PTPRN2: variants seen among roughly 807,000 people sequenced by gnomAD.
PTPRN2 encodes the protein receptor-type tyrosine-protein phosphatase N2.
A neutral mutation model predicts 118.8 loss-of-function variants in PTPRN2; 74 were observed. The observed-to-expected ratio is 0.62, with a 90% CI of 0.52 to 0.76. The LOEUF (loss-of-function observed/expected upper bound fraction) is 0.76, where lower values mean the gene tolerates loss of function less well. PTPRN2 is among the 30% of genes least tolerant of loss of function. PTPRN2 has a pLI of 0.00. For synonymous variants in PTPRN2, 641 were observed against 608.0 expected, an observed-to-expected ratio of 1.05 and a Z score of -0.80; for missense variants, 1,481 against 1,394.4, an observed-to-expected ratio of 1.06 and a Z score of -0.99.
chr7:158,408,948 A>G (rs1308401047), intron 2 of PTPRN2, among the ~76,000 whole-genome samples: 2 of 152,076 alleles, frequency 1.3e-5, no homozygotes, highest in Non-Finnish European at 2.9e-5. Context: ...ATACAAAGTT[A>G]ACCTCCATAT....
chr7:157,989,718 C>T (rs530592448), intron 11 of PTPRN2, among the ~76,000 whole-genome samples: 29 of 152,248 alleles, frequency 1.9e-4, no homozygotes, highest in Non-Finnish European at 3.4e-4. Flanking sequence ...GGGTACCTGA[C>T]GGGCCGGAAT....
intron 11 of PTPRN2, among the ~76,000 whole-genome samples, chr7:158,016,047 G>A (rs985967712): frequency 6.6e-6 from 1 of 152,160 alleles, no homozygotes; most frequent in Admixed American, 6.5e-5. Flanking sequence ...CCTGACACCC[G>A]CTGTTTTTCC....
At chr7:158,552,119 G>A (rs1484068518) in intron 1 of PTPRN2, among the ~76,000 whole-genome samples, 3 of 117,962 alleles carry the variant, frequency 2.5e-5, no homozygotes, top group African/African-American at 1.1e-4. Context: ...CATTTGGGGG[G>A]CCCCAGCTCC....
rs1479278605 is a variant in PTPRN2, at chr7:157,793,933, G to A, written c.1788+104740C>T. Among the ~76,000 whole-genome samples, 9 of 152,266 alleles carry A rather than the reference G, an allele frequency of 5.9e-5. No homozygotes were observed. The East Asian group carries it at 1.7e-3, about 30-fold the overall frequency. ...CTCGGCCCCCTCTCTGCCAGAGCCA[G>A]GTCTGAGGTCAAGGCTTTCGGTGTT... is the stretch of plus-strand genomic sequence containing the variant. On this transcript the variant is annotated intron_variant, in intron 12 of 22. Transcript: ENST00000389418.
intron 12 of PTPRN2, among the ~76,000 whole-genome samples, chr7:157,798,661 G>A (rs1805030636): frequency 6.6e-6 from 1 of 152,174 alleles, no homozygotes; most frequent in Admixed American, 6.5e-5. Context: ...TAATTCTCCT[G>A]AGAGCGATAT....
At chr7:157,732,291 T>C (rs376624275) in intron 12 of PTPRN2, among the ~76,000 whole-genome samples, 8 of 1,000 alleles carry the variant, frequency 8.0e-3, no homozygotes, top group Admixed American at 9.3e-3. Flanking sequence ...CCCTTTCCCG[T>C]CCCACGCGCC....
At chr7:158,140,288 G>A (rs530207447) in intron 6 of PTPRN2, among the ~76,000 whole-genome samples, 15 of 152,330 alleles carry the variant, frequency 9.8e-5, no homozygotes, top group East Asian at 5.8e-4. Context: ...GCGCCAGGGC[G>A]TTTCAACAGA....
chr7:158,404,674 CCAGCTCCTTGGCCT>C (rs1427218889), intron 2 of PTPRN2, among the ~76,000 whole-genome samples: 1 of 151,454 alleles, frequency 6.6e-6, no homozygotes, highest in African/African-American at 2.4e-5. Context: ...TCCCCGGCCC[CCAGCTCCTTGGCCT>C]CAGCTCCCGG....
chr7:158,414,503 C>T (rs773552037), intron 2 of PTPRN2, among the ~76,000 whole-genome samples: 24 of 152,324 alleles, frequency 1.6e-4, no homozygotes, highest in Middle Eastern at 3.4e-3. Flanking sequence ...AGGAAGAGAG[C>T]TGCAAAGGAA....
Position 158,555,609 on chromosome 7 carries a change from CCCAGCCT to C in PTPRN2, c.112+31942_112+31948del, listed in dbSNP as rs1378807111. ...TGGCATCTTCCAGCTGTCCCCCAGA[CCCAGCCT>C]CCCTCAGCTCCCATGGCAGGGTTAG... On this transcript the variant is annotated intron_variant, in intron 1 of 22. Coordinates refer to ENST00000389418, the MANE Select transcript of PTPRN2 (RefSeq NM_002847.5). This position sits in a 1 kb window ranked among gnomAD's most constrained non-coding sequence, Gnocchi z 4.7. Among the ~76,000 whole-genome samples, 9 of 152,220 alleles carry C rather than the reference CCCAGCCT, an allele frequency of 5.9e-5. No homozygotes were observed. The highest frequency in any genetic ancestry group is 5.9e-4 in the Admixed American group (9 of 15,288).
rs1463117168 is a variant in PTPRN2 at position 157,590,752 on chromosome 7, C to T, written c.2496+4486G>A. ...GCTCACCGAGGGGACTTCCCCTGAA[C>T]CCGTCTTCCAGGCTCCCCCCTTCTG... On this transcript the variant is annotated intron_variant, in intron 17 of 22. Coordinates refer to ENST00000389418, the MANE Select transcript of PTPRN2 (RefSeq NM_002847.5). The surrounding 1 kb of genome is among the most constrained non-coding windows in gnomAD (Gnocchi z 4.0). Among the ~76,000 whole-genome samples, 1 of 152,094 alleles carries T rather than the reference C, an allele frequency of 6.6e-6. No individual in the cohort carries two copies. The highest frequency in any genetic ancestry group is 2.4e-5 in the African/African-American group (1 of 41,410).
At chr7:158,258,219 G>T (rs1052848951) in intron 3 of PTPRN2, among the ~76,000 whole-genome samples, 1 of 152,076 alleles carries the variant, frequency 6.6e-6, no homozygotes, top group Admixed American at 6.6e-5. Context: ...CATTTCCTCC[G>T]CTCTGTCTGC....
intron 12 of PTPRN2, among the ~76,000 whole-genome samples, chr7:157,738,511 C>T (rs1800435609): frequency 1.3e-5 from 2 of 152,346 alleles, no homozygotes; most frequent in South Asian, 4.1e-4. Flanking sequence ...ACGCAGGCTG[C>T]CGGTGCTGGT....
chr7:158,138,277 C>T lies in PTPRN2; in HGVS notation c.1132+17G>A. The T allele has an allele frequency of 6.2e-7, 1 of 1,609,680 alleles. No individual in the cohort carries two copies. The highest frequency in any genetic ancestry group is 1.1e-5 in the South Asian group (1 of 90,728). ...CGCAGCACCCCTGGGTGTGGGCACCCATGGCGCTGCAGTCACCTGGAAAGC... is the reference window on the plus strand; with the variant it reads ...CGCAGCACCCCTGGGTGTGGGCACCTATGGCGCTGCAGTCACCTGGAAAGC... On this transcript the variant is annotated intron_variant, in intron 7 of 22. Coordinates refer to ENST00000389418, the MANE Select transcript of PTPRN2 (RefSeq NM_002847.5).
intron 12 of PTPRN2, among the ~76,000 whole-genome samples, chr7:157,771,371 G>A (rs1051105609): frequency 2.6e-5 from 4 of 152,104 alleles, no homozygotes; most frequent in Non-Finnish European, 5.9e-5. Flanking sequence ...TGGGGTACCT[G>A]CCCCCCCATT....
At chr7:158,506,913 A>C (rs1822790917) in intron 1 of PTPRN2, among the ~76,000 whole-genome samples, 1 of 152,214 alleles carries the variant, frequency 6.6e-6, no homozygotes, top group Admixed American at 6.5e-5. Context: ...CCCAGCCCGG[A>C]GCAGCCACAA....
chr7:157,698,035 T>C (rs1284296937), intron 12 of PTPRN2, among the ~76,000 whole-genome samples: 1 of 152,236 alleles, frequency 6.6e-6, no homozygotes, highest in Non-Finnish European at 1.5e-5. Context: ...TACCCATGCA[T>C]ACTGGAAGCA....
chr7:158,173,765 CCCAGGATTATT>C (rs1340410827), intron 5 of PTPRN2, among the ~76,000 whole-genome samples: 1 of 152,162 alleles, frequency 6.6e-6, no homozygotes, highest in Non-Finnish European at 1.5e-5. Context: ...GCATTCCTTC[CCCAGGATTATT>C]CCTTGCTGGG....
intron 11 of PTPRN2, among the ~76,000 whole-genome samples, chr7:157,898,990 C>T (rs1028790657): frequency 8.5e-5 from 13 of 152,254 alleles, no homozygotes; most frequent in African/African-American, 3.1e-4. Flanking sequence ...GGGTGTCCCA[C>T]CCGGGTCCCC....
Sources: gnomAD v4.1 joint callset for allele counts (sites outside exome capture counted in the v4.1 genomes callset) on GRCh38, gnomAD v4.1.1 for gene constraint, Gnocchi (gnomAD v3.1) non-coding constraint, MANE v1.5 for transcripts, NCBI Gene and HGNC (gene_info 2026-07-23, HGNC 2026-07-21) for gene names.